Variants in GLI3 observed in about 807,000 individuals in gnomAD.
GLI3 encodes the protein transcription activator GLI3.
Under a neutral mutation model 100.8 loss-of-function variants are expected in GLI3, and 20 were observed. The ratio of observed to expected loss-of-function variants is 0.20; its 90% CI spans 0.14 to 0.29. The LOEUF is 0.29. Ranked by LOEUF, GLI3 falls within the 10% of genes least tolerant of loss-of-function variation. The probability of loss-of-function intolerance (pLI) is 1.00; values close to 1 mark genes in which losing one functional copy is unlikely to be tolerated. For missense variants in GLI3, 2,040 were observed against 2,128.5 expected (o/e 0.96, Z 0.82); for synonymous variants, 938 against 860.5 (o/e 1.09, Z -1.58).
At chr7:42,248,044 T>C (rs545651996) in intron 1 of GLI3, among the ~76,000 whole-genome samples, 1 of 152,328 alleles carries the variant, frequency 6.6e-6, no homozygotes, top group Admixed American at 6.5e-5. Context: ...GGTATGTCAA[T>C]AGATGGAACA....
intron 3 of GLI3, among the ~76,000 whole-genome samples, chr7:42,078,404 T>C (rs1010885205): frequency 6.6e-6 from 1 of 152,066 alleles, no homozygotes; most frequent in African/African-American, 2.4e-5. Context: ...AAGAAAAAAA[T>C]CCAGTAAGAG....
intron 4 of GLI3, among the ~76,000 whole-genome samples, chr7:42,069,507 C>G (rs750823778): frequency 6.6e-6 from 1 of 152,040 alleles, no homozygotes; most frequent in Non-Finnish European, 1.5e-5. Context: ...CAGTTAATCA[C>G]GAGAAATGAT....
chr7:41,978,483 G>C (rs1282899851), intron 11 of GLI3, 116 bp downstream of exon 11: 5 of 959,328 alleles, frequency 5.2e-6, no homozygotes, highest in African/African-American at 1.6e-5. Flanking sequence ...CAATACTCTA[G>C]TCCTCTTCTC....
chr7:42,182,662 A>ATATATGTGTGTG (rs1554337074), intron 2 of GLI3, among the ~76,000 whole-genome samples: 3 of 76,742 alleles, frequency 3.9e-5, no homozygotes, highest in Non-Finnish European at 5.0e-5. Context: ...ATATATATAT[A>ATATATGTGTGTG]TATATATATA....
At chr7:42,249,213 C>G (rs895152605) in intron 1 of GLI3, among the ~76,000 whole-genome samples, 4 of 152,104 alleles carry the variant, frequency 2.6e-5, no homozygotes, top group East Asian at 3.8e-4. Context: ...ATACAGTATC[C>G]ACATGAACTA....
chr7:42,015,750 C>T (rs186099092), intron 10 of GLI3, among the ~76,000 whole-genome samples: 74 of 151,928 alleles, frequency 4.9e-4, no homozygotes, highest in African/African-American at 1.7e-3. Flanking sequence ...CACACACACA[C>T]CCACCCCCCC....
At chr7:42,053,377 A>G (rs1389046446) in intron 4 of GLI3, among the ~76,000 whole-genome samples, 2 of 152,192 alleles carry the variant, frequency 1.3e-5, no homozygotes, top group Admixed American at 1.3e-4. Flanking sequence ...ACGTGTGTTC[A>G]CTGCTATGTG....
chr7:42,211,308 TA>T (rs1788269759), intron 2 of GLI3, among the ~76,000 whole-genome samples: 1 of 152,240 alleles, frequency 6.6e-6, no homozygotes, highest in Non-Finnish European at 1.5e-5. Flanking sequence ...TGGTTTTTGC[TA>T]AGTAAACTCT....
In GLI3 at chr7:41,965,433, G is replaced by C. The variant is rs1363624870; in HGVS notation, c.3640C>G (p.Gln1214Glu). ...PLRSGPAGGY[Q>E]TLGENSNPYG... ...GGGTTGCTGTTCTCCCCGAGGGTCT[G>C]ATAGCCCCCAGCAGGCCCGCTCCTC... The change falls in exon 15 of 15, where the codon CAG becomes GAG. Residue 1214 changes from glutamine (Q) to glutamate (E), a missense_variant. By Grantham distance (29) the Gln-to-Glu change is conservative. Coordinates refer to ENST00000395925, the MANE Select transcript of GLI3 (RefSeq NM_000168.6). The C allele has an allele frequency of 6.2e-7, 1 of 1,607,822 alleles. No individual in the cohort carries two copies. Among genetic ancestry groups the C allele is most frequent in the Admixed American group, 1.7e-5 (1 of 59,942 alleles).
At chr7:42,233,809 A>G (rs12154556) in intron 1 of GLI3, among the ~76,000 whole-genome samples, 21,114 of 152,260 alleles carry the variant, frequency 0.14, 1,843 homozygotes, top group Non-Finnish European at 0.2. Context: ...GAAGGGCAGT[A>G]TCTTCTCCTA....
intron 2 of GLI3, among the ~76,000 whole-genome samples, chr7:42,148,703 T>C (rs1428199932): frequency 6.6e-6 from 1 of 152,108 alleles, no homozygotes; most frequent in Admixed American, 6.5e-5. Flanking sequence ...GAGCAGGAAA[T>C]GAGCCTATTA....
chr7:42,028,795 AAT>A (rs869270316), intron 7 of GLI3, among the ~76,000 whole-genome samples: 5 of 146,260 alleles, frequency 3.4e-5, no homozygotes, highest in African/African-American at 1.3e-4. Flanking sequence ...TAATAATAAT[AAT>A]AAATAAAAAT....
intron 1 of GLI3, among the ~76,000 whole-genome samples, chr7:42,226,596 AC>A (rs775509667): frequency 1.3e-5 from 2 of 151,774 alleles, no homozygotes; most frequent in Non-Finnish European, 2.9e-5. Flanking sequence ...TCAACAATCT[AC>A]CCCCTTCTAT....
intron 10 of GLI3, among the ~76,000 whole-genome samples, chr7:41,999,475 T>C (rs1228675728): frequency 6.6e-6 from 1 of 152,102 alleles, no homozygotes; most frequent in African/African-American, 2.4e-5. Flanking sequence ...GCAAACATCT[T>C]CCCATAAACC....
intron 1 of GLI3, among the ~76,000 whole-genome samples, chr7:42,243,830 T>TTTG (rs967398421): frequency 7.2e-5 from 11 of 152,130 alleles, no homozygotes; most frequent in South Asian, 4.2e-4. Context: ...GACTCATTCT[T>TTTG]TTGTTGTTGT....
At chr7:42,200,724 T>G (rs1788021137) in intron 2 of GLI3, among the ~76,000 whole-genome samples, 1 of 152,160 alleles carries the variant, frequency 6.6e-6, no homozygotes, top group African/African-American at 2.4e-5. Flanking sequence ...GCTTCAAGTC[T>G]TATCCTAGCT....
chr7:42,147,814 T>C (rs143086512), intron 3 of GLI3, among the ~76,000 whole-genome samples: 2 of 152,296 alleles, frequency 1.3e-5, no homozygotes, highest in Non-Finnish European at 2.9e-5. Flanking sequence ...TAAAAAATCA[T>C]TAAAAATGGG....
chr7:42,220,747 G>C (rs1788470687), intron 2 of GLI3, among the ~76,000 whole-genome samples: 1 of 152,188 alleles, frequency 6.6e-6, no homozygotes, highest in African/African-American at 2.4e-5. Flanking sequence ...CCTCTCTTTA[G>C]ATTTATTTGT....
chr7:42,240,784 A>C (rs1245072409), upstream of GLI3, among the ~76,000 whole-genome samples: 1 of 152,202 alleles, frequency 6.6e-6, no homozygotes, highest in East Asian at 1.9e-4. Context: ...GACATAATTC[A>C]ACTCCTAACA....
Sources: allele counts gnomAD v4.1 joint callset (sites outside exome capture counted in the v4.1 genomes callset), GRCh38; gene constraint gnomAD v4.1.1; transcripts MANE v1.5; gene names NCBI Gene and HGNC (gene_info 2026-07-23, HGNC 2026-07-21).